The following VPS8 variants were observed in gnomAD, a reference collection of about 807,000 sequenced individuals.
The protein encoded by VPS8 is vacuolar protein sorting-associated protein 8 homolog.
A neutral mutation model predicts 216.4 loss-of-function variants in VPS8; 129 were observed. The observed-to-expected ratio is 0.60, with a 90% CI of 0.52 to 0.69. The LOEUF (loss-of-function observed/expected upper bound fraction) is 0.69, where lower values mean the gene tolerates loss of function less well. Ranked by LOEUF, VPS8 falls within the 30% of genes least tolerant of loss-of-function variation. VPS8 has a pLI of 0.00. For missense variants in VPS8, 1,531 were observed against 1,683.5 expected (o/e 0.91, Z 1.59); for synonymous variants, 571 against 565.4 (o/e 1.01, Z -0.14).
At chr3:184,817,773 A>G (rs1438356967) in intron 1 of VPS8, among the ~76,000 whole-genome samples, 1 of 152,214 alleles carries the variant, frequency 6.6e-6, no homozygotes, top group Non-Finnish European at 1.5e-5. Flanking sequence ...CATTTTTCGA[A>G]TGTCTACCTA....
rs577729940 is a variant in VPS8 at position 184,964,828 on chromosome 3, C to A, written c.3273+271C>A. Reference sequence around the variant, plus strand: ...TATATATATACCACAATCTGTTTGCCCATTCCTCCTTCAGGGGACACCTGG... The same window carrying A: ...TATATATATACCACAATCTGTTTGCACATTCCTCCTTCAGGGGACACCTGG... On this transcript the variant is annotated intron_variant, in intron 38 of 47. Coordinates refer to ENST00000625842, the MANE Select transcript of VPS8 (RefSeq NM_001009921.3). Among the ~76,000 whole-genome samples, 6 of 152,178 alleles carry A rather than the reference C, an allele frequency of 3.9e-5. No homozygotes were observed. In the South Asian group the frequency reaches 1.2e-3, roughly 32 times the overall value.
chr3:184,933,537 G>GTA (rs1322358252), intron 34 of VPS8, among the ~76,000 whole-genome samples: 1 of 151,824 alleles, frequency 6.6e-6, no homozygotes, highest in Non-Finnish European at 1.5e-5. Context: ...TTGTGTGTGT[G>GTA]TGTGTGTGTG....
Position 184,853,910 on chromosome 3 carries a change from A to G in VPS8, c.875A>G (p.Lys292Arg). 10 of 1,608,344 alleles carry G rather than the reference A, an allele frequency of 6.2e-6. No individual in the cohort carries two copies. Among genetic ancestry groups the G allele is most frequent in the Non-Finnish European group, 8.5e-6 (10 of 1,177,172 alleles). ...TCTAGATGTCTGTTCAGTGGTTCCA[A>G]GGGTGAAGTCTGCTGTATTGAGCCT... is the stretch of plus-strand genomic sequence containing the variant. ...CESRCLFSGS[K>R]GEVCCIEPLH... The change falls in exon 12 of 48, where the codon AAG becomes AGG. Residue 292 changes from lysine (K) to arginine (R), a missense_variant. Transcript: ENST00000625842.
At chr3:185,002,319 T>C (rs1212779517) in intron 45 of VPS8, among the ~76,000 whole-genome samples, 1 of 152,204 alleles carries the variant, frequency 6.6e-6, no homozygotes, top group Non-Finnish European at 1.5e-5. Flanking sequence ...GAAAGCCATT[T>C]ACACTACATT....
At chr3:184,862,025 A>G (rs1475054865) in intron 15 of VPS8, among the ~76,000 whole-genome samples, 1 of 152,172 alleles carries the variant, frequency 6.6e-6, no homozygotes. Flanking sequence ...TGGCTAATAT[A>G]CAGTAATAGA....
intron 44 of VPS8, among the ~76,000 whole-genome samples, chr3:184,999,265 G>A (rs1038792934): frequency 5.9e-5 from 9 of 152,142 alleles, no homozygotes; most frequent in Non-Finnish European, 2.9e-5. Flanking sequence ...CACGATGTTG[G>A]CCAGGCTGAT....
chr3:184,867,600 C>T lies in VPS8; in HGVS notation c.1471-424C>T, dbSNP rs551947190. Among the ~76,000 whole-genome samples the T allele has an allele frequency of 3.9e-5, 6 of 152,276 alleles. No homozygotes were observed. The South Asian group carries it at 1.2e-3, about 32-fold the overall frequency. On this transcript the variant is annotated intron_variant, in intron 17 of 47. Coordinates refer to ENST00000625842, the MANE Select transcript of VPS8 (RefSeq NM_001009921.3). ...TTGCCTCACACCTGTAATCCCAGCA[C>T]TTTGGAAGGTCTTGGCGGGCAGATC...
intron 25 of VPS8, among the ~76,000 whole-genome samples, chr3:184,902,861 T>C (rs1734814417): frequency 6.6e-6 from 1 of 151,966 alleles, no homozygotes; most frequent in South Asian, 2.1e-4. Flanking sequence ...CTTGGTTCAA[T>C]TCAGTGTCAT....
At chr3:185,034,248 T>C (rs911310457) in intron 46 of VPS8, among the ~76,000 whole-genome samples, 3 of 152,256 alleles carry the variant, frequency 2.0e-5, no homozygotes, top group South Asian at 2.1e-4. Context: ...TAGTAGTCCA[T>C]GTGTACCAGA....
chr3:184,997,535 T>C (rs1752772710), intron 44 of VPS8, among the ~76,000 whole-genome samples: 2 of 152,164 alleles, frequency 1.3e-5, no homozygotes, highest in African/African-American at 4.8e-5. Context: ...GCAAGAAATA[T>C]TTATTGAGCA....
chr3:184,818,359 G>GGGCCC (rs1186101465), intron 1 of VPS8, among the ~76,000 whole-genome samples: 5 of 151,684 alleles, frequency 3.3e-5, no homozygotes, highest in African/African-American at 9.7e-5. Flanking sequence ...TCATCTCTAT[G>GGGCCC]AAAAATTCAA....
chr3:184,959,155 G>T (rs1412620897), intron 37 of VPS8, among the ~76,000 whole-genome samples: 1 of 152,124 alleles, frequency 6.6e-6, no homozygotes, highest in East Asian at 1.9e-4. Context: ...GGCTTCTCAG[G>T]AAGTGACATT....
chr3:185,033,850 T>C (rs996733702), intron 46 of VPS8, among the ~76,000 whole-genome samples: 5 of 152,242 alleles, frequency 3.3e-5, no homozygotes, highest in Non-Finnish European at 7.3e-5. Context: ...TATCTCATTT[T>C]CTTAAATTCA....
intron 5 of VPS8, among the ~76,000 whole-genome samples, chr3:184,835,334 A>G (rs780147385): frequency 1.3e-5 from 2 of 152,206 alleles, no homozygotes; most frequent in Non-Finnish European, 2.9e-5. Flanking sequence ...TTCTGGCTTC[A>G]AGTGTAGTGC....
chr3:184,987,219 T>C (rs1751233431), intron 42 of VPS8, among the ~76,000 whole-genome samples: 1 of 152,126 alleles, frequency 6.6e-6, no homozygotes, highest in Non-Finnish European at 1.5e-5. Flanking sequence ...GTTCAAGAGA[T>C]TCTCATGCGT....
chr3:184,839,269 G>A (rs1465058630), intron 6 of VPS8: 1 of 176,082 alleles, frequency 5.7e-6, no homozygotes, highest in East Asian at 1.7e-4. Flanking sequence ...AAGGAAGTGG[G>A]TGAGTTTTGA....
At chr3:184,936,436 C>T (rs1741635841) in intron 35 of VPS8, 101 bp downstream of exon 35, 4 of 1,102,104 alleles carry the variant, frequency 3.6e-6, no homozygotes, top group Non-Finnish European at 5.2e-6. Context: ...CTTCAGTTGA[C>T]ATTTATTAGC....
chr3:185,018,944 C>T (rs1366962282), intron 45 of VPS8, among the ~76,000 whole-genome samples: 1 of 152,160 alleles, frequency 6.6e-6, no homozygotes, highest in Admixed American at 6.5e-5. Context: ...AGGATCAAGC[C>T]ACTCTTTTTC....
At chr3:184,935,320 T>C (rs1741410491) in intron 34 of VPS8, among the ~76,000 whole-genome samples, 1 of 152,242 alleles carries the variant, frequency 6.6e-6, no homozygotes, top group Non-Finnish European at 1.5e-5. Context: ...TAGTGTCTCC[T>C]TTGTAATATT....
Sources: gnomAD v4.1 joint callset for allele counts (sites outside exome capture counted in the v4.1 genomes callset) on GRCh38, gnomAD v4.1.1 for gene constraint, MANE v1.5 for transcripts, NCBI Gene and HGNC (gene_info 2026-07-23, HGNC 2026-07-21) for gene names.